CASTOR2: variants seen among roughly 807,000 people sequenced by gnomAD.
CASTOR2 encodes the protein GATS protein like 2.
CASTOR2 carries 8 observed loss-of-function variants against 31.2 expected under a neutral mutation model. The observed-to-expected ratio is 0.26, with a 90% CI of 0.15 to 0.46. CASTOR2 has a LOEUF of 0.46. CASTOR2 is among the 20% of genes least tolerant of loss of function. The probability of loss-of-function intolerance (pLI) is 0.99; values close to 1 mark genes in which losing one functional copy is unlikely to be tolerated. For synonymous variants in CASTOR2, 162 were observed against 158.7 expected, an observed-to-expected ratio of 1.02 and a Z score of -0.16; for missense variants, 216 against 382.1, an observed-to-expected ratio of 0.57 and a Z score of 3.62.
At chr7:74,992,270 A>G (rs1312583683) in intron 1 of CASTOR2, among the ~76,000 whole-genome samples, 3 of 151,964 alleles carry the variant, frequency 2.0e-5, no homozygotes, top group Admixed American at 2.0e-4. Context: ...AAGATGATCT[A>G]TTCCATGCTA....
In CASTOR2 at chr7:75,019,093, T is replaced by A; in HGVS notation, c.633T>A (p.Asn211Lys). 6.4e-7 allele frequency: 1 copy of A among 1,551,664 alleles called. No homozygotes were observed. The highest frequency in any genetic ancestry group is 8.7e-7 in the Non-Finnish European group (1 of 1,146,984). The change falls in exon 5 of 9, where the codon AAT becomes AAA. Residue 211 changes from asparagine to lysine, a missense_variant and splice_region_variant. By Grantham distance (94) the Asn-to-Lys change is moderately conservative. Around this residue, in one of 5 missense-constraint regions of CASTOR2, gnomAD observed 44 missense variants for 57.5 expected, o/e 0.76. Transcript: ENST00000616305. ...TCATGGATGTCATGTTCTACTCCAATGGGTAGGGCTGCCTTGGGCATGAGG... is the reference window on the plus strand; with the variant it reads ...TCATGGATGTCATGTTCTACTCCAAAGGGTAGGGCTGCCTTGGGCATGAGG... ...TLLMDVMFYS[N>K]GVKDPMATGD...
chr7:75,023,315 GA>G (rs1237575458), intron 7 of CASTOR2, among the ~76,000 whole-genome samples: 6 of 145,784 alleles, frequency 4.1e-5, no homozygotes, highest in Admixed American at 6.9e-5. Flanking sequence ...CTCAAAAAAA[GA>G]AAAAAAAAAG....
At chr7:75,007,790 A>G (rs1217291320) in intron 1 of CASTOR2, 39 of 692,764 alleles carry the variant, frequency 5.6e-5, no homozygotes, top group South Asian at 1.8e-4. Context: ...AGTGGGGACA[A>G]TCAGCATCTC....
intron 1 of CASTOR2, among the ~76,000 whole-genome samples, chr7:75,005,125 G>A (rs1325787860): frequency 8.6e-5 from 13 of 150,752 alleles, no homozygotes; most frequent in South Asian, 8.5e-4. Context: ...CCACTGCCTC[G>A]CAAAGTGCTG....
intron 1 of CASTOR2, among the ~76,000 whole-genome samples, chr7:74,995,563 T>G (rs1584467050): frequency 7.0e-6 from 1 of 142,816 alleles, no homozygotes; most frequent in African/African-American, 2.7e-5. Context: ...ATTCCAACAC[T>G]TTGGGAGGCC....
In CASTOR2 at chr7:75,029,678, G is replaced by A. The variant is rs1005670473; in HGVS notation, c.*4979G>A. On this transcript the variant is annotated 3_prime_UTR_variant, in exon 9 of 9. Coordinates refer to ENST00000616305, the MANE Select transcript of CASTOR2 (RefSeq NM_001145064.3). ...TTTGACGCCACTTCCTGAGTGAAGC[G>A]CTTTGCATGGGGATGGGAAGAAGCA... is the stretch of plus-strand genomic sequence containing the variant. 2.0e-5 allele frequency among the ~76,000 whole-genome samples: 3 copies of A among 152,122 alleles called. No homozygotes were observed. Among genetic ancestry groups the A allele is most frequent in the Admixed American group, 6.6e-5 (1 of 15,258 alleles).
chr7:74,986,022 G>A (rs1190439654), intron 1 of CASTOR2, among the ~76,000 whole-genome samples: 10 of 151,980 alleles, frequency 6.6e-5, no homozygotes, highest in Non-Finnish European at 1.2e-4. Flanking sequence ...CCACCTTCCC[G>A]GTTCAAGCGA....
At chr7:74,998,082 CT>C (rs1197371408) in intron 1 of CASTOR2, among the ~76,000 whole-genome samples, 3 of 152,144 alleles carry the variant, frequency 2.0e-5, no homozygotes, top group African/African-American at 7.2e-5. Flanking sequence ...CAAGTCCCCC[CT>C]GCCTTCAGAA....
chr7:75,018,703 G>A (rs1353625024), intron 4 of CASTOR2, among the ~76,000 whole-genome samples: 1 of 152,250 alleles, frequency 6.6e-6, no homozygotes, highest in Non-Finnish European at 1.5e-5. Flanking sequence ...CTGAAGCCTG[G>A]AACACAGGTA....
At chr7:75,004,473 G>T (rs1323708251) in intron 1 of CASTOR2, among the ~76,000 whole-genome samples, 1 of 58,942 alleles carries the variant, frequency 1.7e-5, no homozygotes, top group Non-Finnish European at 3.3e-5. Context: ...TTTTCCCCCC[G>T]AGATGGAGTG....
rs1439690321 is a variant in CASTOR2 at position 75,025,953 on chromosome 7, A to C, written c.*1254A>C. The stretch of plus-strand genomic sequence containing the variant: ...AAGCTAGGAGCAGAGATCTGTTACA[A>C]GACGCTGGAGCCGCTGGCACCCCAC... On this transcript the variant is annotated 3_prime_UTR_variant, in exon 9 of 9. Transcript: ENST00000616305. Among the ~76,000 whole-genome samples, 1 of 152,158 alleles carries C rather than the reference A, an allele frequency of 6.6e-6. No homozygotes were observed. The highest frequency in any genetic ancestry group is 1.9e-4 in the East Asian group (1 of 5,182).
chr7:75,012,948 A>G (rs1160029400), intron 2 of CASTOR2, among the ~76,000 whole-genome samples: 1 of 152,162 alleles, frequency 6.6e-6, no homozygotes, highest in Non-Finnish European at 1.5e-5. Context: ...TGCACAGCCC[A>G]CTGGCTAGTT....
intron 1 of CASTOR2, among the ~76,000 whole-genome samples, chr7:74,980,466 A>C (rs1335407234): frequency 1.2e-5 from 1 of 86,862 alleles, no homozygotes; most frequent in Non-Finnish European, 2.1e-5. Context: ...ACTGGAGATA[A>C]CACTATCAAC....
chr7:75,018,628 G>A (rs1436691869), intron 4 of CASTOR2, among the ~76,000 whole-genome samples: 1 of 152,248 alleles, frequency 6.6e-6, no homozygotes, highest in East Asian at 1.9e-4. Flanking sequence ...GACAGCAATG[G>A]CCAGAGGCCA....
chr7:74,971,917 C>T (rs1235796491), intron 1 of CASTOR2, among the ~76,000 whole-genome samples: 1 of 147,002 alleles, frequency 6.8e-6, no homozygotes, highest in South Asian at 2.2e-4. Context: ...TACCCCAACC[C>T]CTCTGGAACC....
rs1368898447 is a variant in CASTOR2 at position 75,024,843 on chromosome 7, A to T, written c.*144A>T. 6 of 1,541,746 alleles carry T rather than the reference A, an allele frequency of 3.9e-6. No individual in the cohort carries two copies. In the East Asian group the frequency reaches 1.5e-4, roughly 38 times the overall value. ...TCTGTGGGAGACTCCCTCGATTGCCAATCCCTCCAGGGCAGGGGCCCACGC... is the reference window on the plus strand; with the variant it reads ...TCTGTGGGAGACTCCCTCGATTGCCTATCCCTCCAGGGCAGGGGCCCACGC... On this transcript the variant is annotated 3_prime_UTR_variant, in exon 9 of 9. Coordinates refer to ENST00000616305, the MANE Select transcript of CASTOR2 (RefSeq NM_001145064.3).
At chr7:74,981,192 C>CT (rs1483859581) in intron 1 of CASTOR2, among the ~76,000 whole-genome samples, 8 of 26,774 alleles carry the variant, frequency 3.0e-4, no homozygotes, top group Admixed American at 8.4e-4. Flanking sequence ...TCCTCTTTTT[C>CT]TTTTTTTTTG....
intron 7 of CASTOR2, among the ~76,000 whole-genome samples, chr7:75,023,806 G>A (rs927757935): frequency 3.9e-5 from 6 of 152,160 alleles, no homozygotes; most frequent in Non-Finnish European, 7.3e-5. Context: ...GTACCAAGAG[G>A]ATGAGGCTAA....
rs1805299979 is a variant in CASTOR2, at chr7:75,031,372, C to T, written c.*6673C>T. 6.6e-6 allele frequency among the ~76,000 whole-genome samples: 1 copy of T among 152,192 alleles called. No individual in the cohort carries two copies. The highest frequency in any genetic ancestry group is 1.5e-5 in the Non-Finnish European group (1 of 68,036). On this transcript the variant is annotated 3_prime_UTR_variant, in exon 9 of 9. Coordinates refer to ENST00000616305, the MANE Select transcript of CASTOR2 (RefSeq NM_001145064.3). ...GAGAACCTGCCATCTTATCCCTACC[C>T]CCCCGGGGCCCTCAAGCTTATTTTC...
Sources: gnomAD v4.1 joint callset for allele counts (sites outside exome capture counted in the v4.1 genomes callset) on GRCh38, gnomAD v4.1.1 for gene constraint, gnomAD v4.1.1 regional missense constraint, MANE v1.5 for transcripts, NCBI Gene and HGNC (gene_info 2026-07-23, HGNC 2026-07-21) for gene names.